Variants in ANKS1B observed in about 807,000 individuals in gnomAD.
ANKS1B encodes the protein ankyrin repeat and sterile alpha motif domain-containing protein 1B.
Under a neutral mutation model 148.3 loss-of-function variants are expected in ANKS1B, and 36 were observed. The ratio of observed to expected loss-of-function variants is 0.24; its 90% CI spans 0.19 to 0.32. ANKS1B has a LOEUF of 0.32. Among genes scored for constraint, ANKS1B ranks in the 10% least tolerant of loss-of-function variants. ANKS1B has a pLI of 1.00. For missense variants in ANKS1B, 1,157 were observed against 1,542.6 expected, an observed-to-expected ratio of 0.75 and a Z score of 4.19; for synonymous variants, 542 against 560.8, an observed-to-expected ratio of 0.97 and a Z score of 0.47.
At chr12:99,230,840 G>C (rs768773313) in intron 14 of ANKS1B, among the ~76,000 whole-genome samples, 4 of 151,920 alleles carry the variant, frequency 2.6e-5, no homozygotes, top group Non-Finnish European at 5.9e-5. Flanking sequence ...TAATCTATCT[G>C]AAAAAAGTCA....
intron 3 of ANKS1B, 115 bp from the exon 4 acceptor site, chr12:99,806,815 T>C (rs2067679709): frequency 9.8e-7 from 1 of 1,022,146 alleles, no homozygotes; most frequent in Admixed American, 2.8e-5. Context: ...GATTTATCCA[T>C]TTTAACAAGT....
At chr12:99,751,509 C>A (rs954938273) in intron 8 of ANKS1B, among the ~76,000 whole-genome samples, 1 of 151,900 alleles carries the variant, frequency 6.6e-6, no homozygotes, top group South Asian at 2.1e-4. Flanking sequence ...AAAGAACTAC[C>A]CCAGGCAAGA....
intron 17 of ANKS1B, among the ~76,000 whole-genome samples, chr12:98,913,768 C>G (rs1346153353): frequency 1.3e-5 from 2 of 152,150 alleles, no homozygotes; most frequent in African/African-American, 4.8e-5. Flanking sequence ...GCTACGATGA[C>G]AGACGCGTGC....
intron 17 of ANKS1B, among the ~76,000 whole-genome samples, chr12:98,903,480 G>A (rs1377350299): frequency 6.6e-6 from 1 of 152,164 alleles, no homozygotes; most frequent in African/African-American, 2.4e-5. Context: ...TGATGAGCTT[G>A]GTATTACCAG....
At chr12:99,039,320 T>C (rs1238923790) in intron 17 of ANKS1B, among the ~76,000 whole-genome samples, 1 of 152,220 alleles carries the variant, frequency 6.6e-6, no homozygotes, top group Non-Finnish European at 1.5e-5. Flanking sequence ...CTGAAGTCTG[T>C]CTCTGATGAC....
chr12:98,876,302 C>T (rs1352765604), intron 17 of ANKS1B, among the ~76,000 whole-genome samples: 1 of 152,234 alleles, frequency 6.6e-6, no homozygotes, highest in Non-Finnish European at 1.5e-5. Flanking sequence ...CCTTTACCCT[C>T]AACCCTTTCT....
downstream of ANKS1B, among the ~76,000 whole-genome samples, chr12:98,742,604 T>G (rs570052490): frequency 4.6e-5 from 7 of 152,388 alleles, no homozygotes; most frequent in Non-Finnish European, 7.3e-5. Context: ...ATTTCCCTGG[T>G]TGGCACCAAG....
intron 12 of ANKS1B, among the ~76,000 whole-genome samples, chr12:99,305,181 T>C (rs911046900): frequency 1.3e-5 from 2 of 151,614 alleles, no homozygotes; most frequent in African/African-American, 2.4e-5. Context: ...GTGGGGAGGG[T>C]ACCAAGCCAT....
intron 17 of ANKS1B, among the ~76,000 whole-genome samples, chr12:98,884,961 CA>C (rs139008122): frequency 0.033 from 4,999 of 152,014 alleles, 189 homozygotes; most frequent in African/African-American, 0.093. Context: ...TAAAATACCA[CA>C]AAAAAACTCT....
intron 8 of ANKS1B, among the ~76,000 whole-genome samples, chr12:99,674,366 A>G (rs1448876834): frequency 6.6e-6 from 1 of 151,876 alleles, no homozygotes; most frequent in East Asian, 1.9e-4. Flanking sequence ...ATAAATGGTT[A>G]AAGTAATAAA....
chr12:99,198,556 A>G (rs2081665395), intron 14 of ANKS1B, among the ~76,000 whole-genome samples: 1 of 152,206 alleles, frequency 6.6e-6, no homozygotes, highest in African/African-American at 2.4e-5. Context: ...TTAGTTGTCT[A>G]AACTCTTCCT....
At chr12:99,265,381 TA>T (rs2076349862) in intron 12 of ANKS1B, among the ~76,000 whole-genome samples, 1 of 152,158 alleles carries the variant, frequency 6.6e-6, no homozygotes, top group Non-Finnish European at 1.5e-5. Flanking sequence ...CCCAGCAATC[TA>T]TATTTTTACA....
intron 12 of ANKS1B, among the ~76,000 whole-genome samples, chr12:99,269,581 C>T (rs1353986947): frequency 6.6e-6 from 1 of 151,790 alleles, no homozygotes; most frequent in East Asian, 1.9e-4. Context: ...TTATTTGAGA[C>T]GGAGTCTCAC....
At chr12:99,773,171 G>A in intron 7 of ANKS1B, 83 bp from the exon 8 acceptor site, 1 of 1,106,806 alleles carries the variant, frequency 9.0e-7, no homozygotes, top group Middle Eastern at 3.0e-4. Context: ...GACTGCTATG[G>A]TGATAGAACT....
At chr12:99,549,445 C>T (rs1323433891) in intron 9 of ANKS1B, among the ~76,000 whole-genome samples, 1 of 152,164 alleles carries the variant, frequency 6.6e-6, no homozygotes, top group African/African-American at 2.4e-5. Flanking sequence ...ACAGAATTTG[C>T]TAAATTAAGT....
intron 10 of ANKS1B, among the ~76,000 whole-genome samples, chr12:99,449,460 G>A (rs2095689806): frequency 6.6e-6 from 1 of 152,080 alleles, no homozygotes; most frequent in South Asian, 2.1e-4. Context: ...CAACTTGCCT[G>A]TGTAACACTA....
At chr12:98,800,366 G>A (rs972115509) in intron 21 of ANKS1B, among the ~76,000 whole-genome samples, 1 of 151,862 alleles carries the variant, frequency 6.6e-6, no homozygotes, top group African/African-American at 2.4e-5. Context: ...TTCTTTTTAA[G>A]AGAGGCAGTT....
intron 10 of ANKS1B, among the ~76,000 whole-genome samples, chr12:99,453,391 T>G (rs2095791422): frequency 6.6e-6 from 1 of 152,230 alleles, no homozygotes; most frequent in East Asian, 1.9e-4. Flanking sequence ...TGTGTCCTCC[T>G]TCTCAGATCT....
intron 12 of ANKS1B, among the ~76,000 whole-genome samples, chr12:99,374,312 G>T (rs2093292145): frequency 6.6e-6 from 1 of 152,272 alleles, no homozygotes; most frequent in Admixed American, 6.5e-5. Context: ...GGAGTTTGCA[G>T]GTTTTCCCCG....
Sources: gnomAD v4.1 joint callset for allele counts (sites outside exome capture counted in the v4.1 genomes callset) on GRCh38, gnomAD v4.1.1 for gene constraint, MANE v1.5 for transcripts, NCBI Gene and HGNC (gene_info 2026-07-23, HGNC 2026-07-21) for gene names.